Variants in SLIT3 observed in about 807,000 individuals in gnomAD.
The protein encoded by SLIT3 is slit guidance ligand 3, also known as slit homolog 3 protein.
SLIT3 carries 68 observed loss-of-function variants against 184.0 expected under a neutral mutation model. The ratio of observed to expected loss-of-function variants is 0.37; its 90% CI spans 0.30 to 0.45. SLIT3 has a LOEUF of 0.45. Among genes scored for constraint, SLIT3 ranks in the 20% least tolerant of loss-of-function variants. The pLI is 1.00. For missense variants in SLIT3, 1,707 were observed against 2,026.0 expected, an observed-to-expected ratio of 0.84 and a Z score of 3.02; for synonymous variants, 831 against 828.6, an observed-to-expected ratio of 1.00 and a Z score of -0.05.
chr5:169,176,163 C>G (rs1409323551), intron 4 of SLIT3, among the ~76,000 whole-genome samples: 2 of 152,188 alleles, frequency 1.3e-5, no homozygotes, highest in Non-Finnish European at 2.9e-5. Flanking sequence ...CTTTCTGTGC[C>G]TCTGCCTTGA....
intron 5 of SLIT3, 134 bp from the exon 6 acceptor site, chr5:168,844,789 C>A: frequency 2.9e-6 from 2 of 693,666 alleles, no homozygotes; most frequent in East Asian, 2.7e-5. Context: ...TCGTGCAGAG[C>A]CAGCCTGTCT....
At chr5:169,038,283 G>A (rs550715248) in intron 4 of SLIT3, among the ~76,000 whole-genome samples, 1 of 152,166 alleles carries the variant, frequency 6.6e-6, no homozygotes, top group Non-Finnish European at 1.5e-5. Context: ...TGGTACAATA[G>A]GGAGCAAAGA....
chr5:169,295,929 A>C (rs955356544), intron 1 of SLIT3, among the ~76,000 whole-genome samples: 1 of 152,222 alleles, frequency 6.6e-6, no homozygotes, highest in Admixed American at 6.5e-5. Context: ...CTGTGGTTTA[A>C]GTGCTCAGGA....
intron 4 of SLIT3, among the ~76,000 whole-genome samples, chr5:169,187,111 G>GTTTTTTTTTTTTTTTTTT (rs761501769): frequency 1.1e-5 from 1 of 94,418 alleles, no homozygotes; most frequent in Non-Finnish European, 1.9e-5. Context: ...GCAGCTATAG[G>GTTTTTTTTTTTTTTTTTT]TTTTTTTTTT....
At chr5:169,166,424 T>C (rs1425142616) in intron 4 of SLIT3, among the ~76,000 whole-genome samples, 1 of 151,474 alleles carries the variant, frequency 6.6e-6, no homozygotes, top group Non-Finnish European at 1.5e-5. Context: ...AATGGGGGAG[T>C]GGGCTGAGGT....
intron 32 of SLIT3, among the ~76,000 whole-genome samples, chr5:168,676,667 G>A (rs539427935): frequency 9.8e-5 from 15 of 152,316 alleles, no homozygotes; most frequent in African/African-American, 3.1e-4. Context: ...ATCCCACAGC[G>A]TCCTAGAAAT....
intron 4 of SLIT3, among the ~76,000 whole-genome samples, chr5:168,998,750 G>A (rs1398662208): frequency 7.1e-6 from 1 of 141,442 alleles, no homozygotes; most frequent in Non-Finnish European, 1.6e-5. Context: ...AAAGGCCATT[G>A]AACAGGGTGA....
intron 12 of SLIT3, among the ~76,000 whole-genome samples, chr5:168,781,847 A>T (rs1023538002): frequency 6.6e-6 from 1 of 152,130 alleles, no homozygotes; most frequent in African/African-American, 2.4e-5. Context: ...CCAGGTTCCA[A>T]TCCTGGCTCC....
chr5:169,062,549 G>C (rs1384343312), intron 4 of SLIT3, among the ~76,000 whole-genome samples: 1 of 152,174 alleles, frequency 6.6e-6, no homozygotes, highest in African/African-American at 2.4e-5. Context: ...GTGACTTTCT[G>C]TCCCTTCCAC....
chr5:168,834,968 TCA>T (rs1758001851), intron 6 of SLIT3, among the ~76,000 whole-genome samples: 1 of 152,240 alleles, frequency 6.6e-6, no homozygotes, highest in Middle Eastern at 3.4e-3. Context: ...ACGTGGCAAT[TCA>T]CACTGGAATC....
chr5:169,153,995 C>T (rs1290897194), intron 4 of SLIT3, among the ~76,000 whole-genome samples: 1 of 139,512 alleles, frequency 7.2e-6, no homozygotes, highest in Non-Finnish European at 1.5e-5. Flanking sequence ...TTTTGTGAGA[C>T]AGAGTCTTGC....
chr5:168,699,862 A>G (rs1048929818), intron 27 of SLIT3, among the ~76,000 whole-genome samples: 10 of 152,202 alleles, frequency 6.6e-5, no homozygotes, highest in African/African-American at 2.2e-4. Context: ...TAACTCAGAA[A>G]AGCATGGTGG....
At chr5:169,214,714 C>CA (rs1368144994) in intron 3 of SLIT3, among the ~76,000 whole-genome samples, 2 of 152,192 alleles carry the variant, frequency 1.3e-5, no homozygotes, top group Non-Finnish European at 2.9e-5. Context: ...TCCAACGTGA[C>CA]ATCTCCTGTG....
At chr5:169,016,199 T>C (rs1756369709) in intron 4 of SLIT3, among the ~76,000 whole-genome samples, 1 of 152,182 alleles carries the variant, frequency 6.6e-6, no homozygotes, top group Non-Finnish European at 1.5e-5. Context: ...AAGTCTCCTG[T>C]TGAGTGCTGA....
chr5:169,186,746 A>G (rs1026212970), intron 4 of SLIT3, among the ~76,000 whole-genome samples: 7 of 152,180 alleles, frequency 4.6e-5, no homozygotes, highest in Non-Finnish European at 8.8e-5. Context: ...GGTGAATATG[A>G]AGAGGCGGCG....
intron 3 of SLIT3, among the ~76,000 whole-genome samples, chr5:169,217,909 C>T (rs1169820663): frequency 6.6e-6 from 1 of 152,150 alleles, no homozygotes; most frequent in East Asian, 1.9e-4. Flanking sequence ...CCCGGCTGTC[C>T]AGCTAAGACA....
chr5:168,929,238 G>A (rs889947548), intron 4 of SLIT3, among the ~76,000 whole-genome samples: 1 of 152,184 alleles, frequency 6.6e-6, no homozygotes. Flanking sequence ...CCCCAAGTGT[G>A]GAAATGCTAT....
intron 3 of SLIT3, among the ~76,000 whole-genome samples, chr5:169,243,770 C>T (rs984066742): frequency 2.0e-5 from 3 of 152,306 alleles, no homozygotes; most frequent in South Asian, 4.1e-4. Context: ...CTAGGGAAGC[C>T]GGCAGAGCCG....
At chr5:169,060,515 A>G (rs1392675416) in intron 4 of SLIT3, among the ~76,000 whole-genome samples, 1 of 152,228 alleles carries the variant, frequency 6.6e-6, no homozygotes. Flanking sequence ...GGTAACCTGC[A>G]CAGCACTGTG....
Sources: allele counts gnomAD v4.1 joint callset (sites outside exome capture counted in the v4.1 genomes callset), GRCh38; gene constraint gnomAD v4.1.1; transcripts MANE v1.5; gene names NCBI Gene and HGNC (gene_info 2026-07-23, HGNC 2026-07-21).